The following HS6ST3 variants were observed in gnomAD, a reference collection of about 807,000 sequenced individuals.
The protein encoded by HS6ST3 is heparan-sulfate 6-O-sulfotransferase 3.
A neutral mutation model predicts 36.7 loss-of-function variants in HS6ST3; 12 were observed. That is an observed-to-expected ratio of 0.33 (90% CI 0.21 to 0.53). HS6ST3 has a LOEUF of 0.53. Ranked by LOEUF, HS6ST3 falls within the 20% of genes least tolerant of loss-of-function variation. The pLI, the probability that HS6ST3 is intolerant of heterozygous loss-of-function variation, is 0.95. For missense variants in HS6ST3, 584 were observed against 640.9 expected (o/e 0.91, Z 0.96); for synonymous variants, 240 against 257.5 (o/e 0.93, Z 0.65).
chr13:96,784,795 C>T (rs1877605777), intron 1 of HS6ST3, among the ~76,000 whole-genome samples: 1 of 152,066 alleles, frequency 6.6e-6, no homozygotes, highest in Admixed American at 6.6e-5. Flanking sequence ...AACAGTGTTC[C>T]ATGAAATGAA....
chr13:96,837,830 C>A lies in HS6ST3; in HGVS notation c.*4632C>A, dbSNP rs1014148242. On this transcript the variant is annotated 3_prime_UTR_variant, in exon 2 of 2. Coordinates refer to ENST00000376705, the MANE Select transcript of HS6ST3 (RefSeq NM_153456.4). ...CTATTAAGGGAAATCAATATAAACCCGCCCCCACCAACCAAAAAAAAAAAA... is the reference window on the plus strand; with the variant it reads ...CTATTAAGGGAAATCAATATAAACCAGCCCCCACCAACCAAAAAAAAAAAA... 3 of 150,480 alleles carry A rather than the reference C, an allele frequency of 2.0e-5. No homozygotes were observed. Among genetic ancestry groups the A allele is most frequent in the African/African-American group, 7.4e-5 (3 of 40,312 alleles). 9.3% of individuals were successfully genotyped at this position (150,480 alleles called of 1,614,324 possible).
chr13:96,327,690 A>C (rs1317156252), intron 1 of HS6ST3, among the ~76,000 whole-genome samples: 3 of 151,830 alleles, frequency 2.0e-5, no homozygotes, highest in African/African-American at 7.3e-5. Flanking sequence ...TATGAACTTT[A>C]AAGTAGTTTT....
At chr13:96,777,412 T>C (rs1048077696) in intron 1 of HS6ST3, among the ~76,000 whole-genome samples, 1 of 152,176 alleles carries the variant, frequency 6.6e-6, no homozygotes, top group Non-Finnish European at 1.5e-5. Flanking sequence ...ATGACTTGAT[T>C]GTATATGTAG....
intron 1 of HS6ST3, among the ~76,000 whole-genome samples, chr13:96,557,976 G>A (rs150133422): frequency 1.2e-3 from 186 of 152,156 alleles, no homozygotes; most frequent in African/African-American, 4.2e-3. Flanking sequence ...TAGCAGGAGG[G>A]GTAAATAAGT....
At chr13:96,281,821 G>A (rs1378482910) in intron 1 of HS6ST3, among the ~76,000 whole-genome samples, 7 of 152,128 alleles carry the variant, frequency 4.6e-5, no homozygotes, top group East Asian at 1.9e-4. Flanking sequence ...TTAGGTAACC[G>A]CAGTCTTCAT....
At chr13:96,136,330 C>G (rs1037347446) in intron 1 of HS6ST3, among the ~76,000 whole-genome samples, 1 of 152,056 alleles carries the variant, frequency 6.6e-6, no homozygotes, top group Non-Finnish European at 1.5e-5. Flanking sequence ...CTTCCACGGG[C>G]TATATGGAAG....
At chr13:96,819,095 T>C (rs1878479587) in intron 1 of HS6ST3, among the ~76,000 whole-genome samples, 1 of 152,196 alleles carries the variant, frequency 6.6e-6, no homozygotes, top group Non-Finnish European at 1.5e-5. Context: ...GTAAAATGAA[T>C]CAAACATTCA....
At chr13:96,757,813 C>A (rs1876870840) in intron 1 of HS6ST3, among the ~76,000 whole-genome samples, 1 of 152,026 alleles carries the variant, frequency 6.6e-6, no homozygotes, top group Non-Finnish European at 1.5e-5. Context: ...ATTGCCTGGA[C>A]AAACCACATT....
chr13:96,351,336 A>T (rs1449548418), intron 1 of HS6ST3, among the ~76,000 whole-genome samples: 1 of 98,456 alleles, frequency 1.0e-5, no homozygotes, highest in Non-Finnish European at 2.0e-5. Context: ...TTTTTTTTTT[A>T]AAAAAAACAA....
chr13:96,587,106 G>A (rs2056364542), intron 1 of HS6ST3, among the ~76,000 whole-genome samples: 1 of 152,016 alleles, frequency 6.6e-6, no homozygotes, highest in Non-Finnish European at 1.5e-5. Context: ...AACTGTAAAT[G>A]TAAGGATTTA....
At chr13:96,190,380 A>G (rs757669544) in intron 1 of HS6ST3, among the ~76,000 whole-genome samples, 40 of 152,204 alleles carry the variant, frequency 2.6e-4, no homozygotes, top group Non-Finnish European at 4.7e-4. Flanking sequence ...CGTATTAACT[A>G]TCTTCTACAT....
chr13:96,743,283 T>C (rs1388002800), intron 1 of HS6ST3, among the ~76,000 whole-genome samples: 1 of 152,080 alleles, frequency 6.6e-6, no homozygotes, highest in East Asian at 1.9e-4. Context: ...AGTCATTCAA[T>C]GTGGAAAATT....
rs113563720 is a variant in HS6ST3 at position 96,835,604 on chromosome 13, G to GACACACACACACACACACACACACAC, written c.*2412_*2437dup. On this transcript the variant is annotated 3_prime_UTR_variant, in exon 2 of 2. Coordinates refer to ENST00000376705, the MANE Select transcript of HS6ST3 (RefSeq NM_153456.4). ...AAATTATCCTTCTGCCTGCCCCTGT[G>GACACACACACACACACACACACACAC]ACACACACACACACACACACACACA... is the stretch of plus-strand genomic sequence containing the variant. The GACACACACACACACACACACACACAC allele has an allele frequency of 6.7e-6, 1 of 148,556 alleles. No individual in the cohort carries two copies. The highest frequency in any genetic ancestry group is 2.5e-5 in the African/African-American group (1 of 39,904). The allele number at this position is 148,556 out of a possible 1,614,324, so 9.2% of individuals were successfully genotyped here.
At chr13:96,103,203 A>T (rs2053825958) in intron 1 of HS6ST3, among the ~76,000 whole-genome samples, 1 of 152,194 alleles carries the variant, frequency 6.6e-6, no homozygotes, top group Non-Finnish European at 1.5e-5. Flanking sequence ...AAACCTAAAG[A>T]GAGATGAGTC....
chr13:96,549,584 C>A (rs2056211001), intron 1 of HS6ST3, among the ~76,000 whole-genome samples: 1 of 152,148 alleles, frequency 6.6e-6, no homozygotes, highest in Non-Finnish European at 1.5e-5. Context: ...CAAAGGTTAT[C>A]TGTCCTTTGA....
intron 1 of HS6ST3, among the ~76,000 whole-genome samples, chr13:96,139,567 A>AAAAAAT (rs1491242538): frequency 2.2e-5 from 3 of 138,752 alleles, no homozygotes; most frequent in African/African-American, 8.4e-5. Context: ...AAAAAAAAAA[A>AAAAAAT]TCCATGTATA....
intron 1 of HS6ST3, among the ~76,000 whole-genome samples, chr13:96,532,362 A>G (rs7997284): frequency 0.98 from 149,135 of 152,372 alleles, 73,072 homozygotes; most frequent in East Asian, 1. Context: ...ACTTGCTCAA[A>G]TTCTTTCAGC....
intron 1 of HS6ST3, among the ~76,000 whole-genome samples, chr13:96,189,937 A>G (rs999300444): frequency 6.6e-6 from 1 of 152,188 alleles, no homozygotes; most frequent in African/African-American, 2.4e-5. Context: ...GATATTTGTG[A>G]GCGGTAGTGC....
chr13:96,253,544 G>T (rs1016656902), intron 1 of HS6ST3, among the ~76,000 whole-genome samples: 1 of 152,094 alleles, frequency 6.6e-6, no homozygotes, highest in African/African-American at 2.4e-5. Flanking sequence ...CTCCCACAAA[G>T]TACTCTCATC....
Sources: allele counts gnomAD v4.1 joint callset (sites outside exome capture counted in the v4.1 genomes callset), GRCh38; gene constraint gnomAD v4.1.1; transcripts MANE v1.5; gene names NCBI Gene and HGNC (gene_info 2026-07-23, HGNC 2026-07-21).